Variants in CREBBP observed in about 807,000 individuals in gnomAD.
CREBBP encodes CREB-binding protein.
Under a neutral mutation model 265.0 loss-of-function variants are expected in CREBBP, and 19 were observed. The observed-to-expected ratio is 0.07, with a 90% CI of 0.05 to 0.11. CREBBP has a LOEUF of 0.11. CREBBP is among the 10% of genes least tolerant of loss of function. The pLI is 1.00. For synonymous variants in CREBBP, 1,457 were observed against 1,223.7 expected, an observed-to-expected ratio of 1.19 and a Z score of -3.98; for missense variants, 2,525 against 3,219.0, an observed-to-expected ratio of 0.78 and a Z score of 5.22.
rs1393039481 is a variant in CREBBP at position 3,729,227 on chromosome 16, G to C, written c.5820C>G (p.Ser1940Arg). The C allele has an allele frequency of 6.5e-7, 1 of 1,529,530 alleles. No individual in the cohort carries two copies. Among genetic ancestry groups the C allele is most frequent in the Non-Finnish European group, 8.7e-7 (1 of 1,143,886 alleles). 94.7% of individuals were successfully genotyped at this position (1,529,530 alleles called of 1,614,324 possible). Residue 1940 changes from serine to arginine, a missense_variant, in exon 31 of 31, where the codon AGC becomes AGG. Around this residue, in one of 19 missense-constraint regions of CREBBP, gnomAD observed 275 missense variants for 276.5 expected, o/e 0.99. Transcript: ENST00000262367. ...CCGGGGGTGGGGGGGCCGGCACCTGGCTGGTAGGCTTCCCTGTGGACACCG... is the reference window on the plus strand; with the variant it reads ...CCGGGGGTGGGGGGGCCGGCACCTGCCTGGTAGGCTTCCCTGTGGACACCG... ...PTTVSTGKPT[S>R]QVPAPPPPAQ... is the part of the protein sequence containing the mutation.
chr16:3,775,207 T>C (rs550668716), intron 11 of CREBBP, among the ~76,000 whole-genome samples: 21 of 152,334 alleles, frequency 1.4e-4, no homozygotes, highest in Non-Finnish European at 2.4e-4. Context: ...CATTCATTGT[T>C]AGAATCTGTG....
At chr16:3,732,320 C>T (rs932422385) in intron 28 of CREBBP, among the ~76,000 whole-genome samples, 4 of 152,204 alleles carry the variant, frequency 2.6e-5, no homozygotes, top group African/African-American at 7.2e-5. Flanking sequence ...TCTACACACC[C>T]GAGAAAGCAT....
chr16:3,778,608 G>T (rs762852262), intron 9 of CREBBP, 92 bp downstream of exon 9: 2 of 1,103,866 alleles, frequency 1.8e-6, no homozygotes, highest in Non-Finnish European at 2.8e-6. Flanking sequence ...CAACTACATA[G>T]ATTCCACTAT....
intron 2 of CREBBP, among the ~76,000 whole-genome samples, chr16:3,816,971 G>A (rs1388575143): frequency 1.3e-5 from 2 of 152,184 alleles, no homozygotes; most frequent in African/African-American, 2.4e-5. Context: ...AGGGGGCATC[G>A]GAAGAGGCAG....
At chr16:3,832,365 C>T (rs904315879) in intron 2 of CREBBP, among the ~76,000 whole-genome samples, 1 of 152,094 alleles carries the variant, frequency 6.6e-6, no homozygotes, top group African/African-American at 2.4e-5. Flanking sequence ...CAAATAAGAA[C>T]ACTCCAAAAA....
intron 5 of CREBBP, among the ~76,000 whole-genome samples, chr16:3,784,272 T>A (rs2053338814): frequency 6.6e-6 from 1 of 152,058 alleles, no homozygotes; most frequent in Non-Finnish European, 1.5e-5. Context: ...TGAAAAAAAA[T>A]TCCTGGTAAT....
At chr16:3,751,665 G>C in intron 20 of CREBBP, 61 bp downstream of exon 20, 1 of 1,524,350 alleles carries the variant, frequency 6.6e-7, no homozygotes, top group East Asian at 2.2e-5. Context: ...ATTGGTAAGA[G>C]GAAAAAACAA....
chr16:3,868,000 A>G (rs908345351), intron 1 of CREBBP, among the ~76,000 whole-genome samples: 1 of 152,176 alleles, frequency 6.6e-6, no homozygotes, highest in African/African-American at 2.4e-5. Flanking sequence ...AACAGCTCTG[A>G]GATATGTATC....
rs9929313 is a variant in CREBBP at position 3,757,027 on chromosome 16, C to T, written c.3698+261G>A. 3.9e-5 allele frequency among the ~76,000 whole-genome samples: 6 copies of T among 152,284 alleles called. No individual in the cohort carries two copies. The South Asian group carries it at 1.2e-3, about 32-fold the overall frequency. ...CTAACAAGACACTGAAACCGAGCCA[C>T]TTTTTCTCTTTTTTTTTCTTTTCAA... On this transcript the variant is annotated intron_variant, in intron 19 of 30. Coordinates refer to ENST00000262367, the MANE Select transcript of CREBBP (RefSeq NM_004380.3).
At chr16:3,852,756 C>T (rs2054878891) in intron 1 of CREBBP, among the ~76,000 whole-genome samples, 2 of 152,084 alleles carry the variant, frequency 1.3e-5, no homozygotes, top group Non-Finnish European at 2.9e-5. Flanking sequence ...ACAAAATAAT[C>T]CGTCTTTCCT....
At chr16:3,783,160 G>C (rs946654530) in intron 5 of CREBBP, among the ~76,000 whole-genome samples, 21 of 152,246 alleles carry the variant, frequency 1.4e-4, no homozygotes, top group Admixed American at 9.2e-4. Context: ...TTCTATCTTA[G>C]CATGCAACAG....
intron 19 of CREBBP, among the ~76,000 whole-genome samples, chr16:3,754,972 T>C (rs1442947551): frequency 6.6e-6 from 1 of 152,206 alleles, no homozygotes; most frequent in African/African-American, 2.4e-5. Context: ...AGGATGATAA[T>C]ATGCTAACCT....
chr16:3,838,379 T>TA (rs1228804898), intron 2 of CREBBP, among the ~76,000 whole-genome samples: 1 of 152,140 alleles, frequency 6.6e-6, no homozygotes, highest in Non-Finnish European at 1.5e-5. Context: ...TAGCATAACA[T>TA]AATCACTTAA....
At chr16:3,867,169 C>T (rs973589154) in intron 1 of CREBBP, among the ~76,000 whole-genome samples, 1 of 152,054 alleles carries the variant, frequency 6.6e-6, no homozygotes, top group African/African-American at 2.4e-5. Flanking sequence ...AGAATCTATT[C>T]CAGGAATTGA....
chr16:3,865,840 G>C (rs2055167904), intron 1 of CREBBP, among the ~76,000 whole-genome samples: 1 of 152,180 alleles, frequency 6.6e-6, no homozygotes. Context: ...GTTTCACCAT[G>C]TTGGCCAGGA....
chr16:3,772,265 A>G (rs1279514137), intron 13 of CREBBP, among the ~76,000 whole-genome samples: 3 of 151,782 alleles, frequency 2.0e-5, no homozygotes, highest in Non-Finnish European at 4.4e-5. Flanking sequence ...GACCATAAAT[A>G]TATACATCCA....
chr16:3,725,817 G>C lies in CREBBP; in HGVS notation c.*1901C>G, dbSNP rs1412602657. 4.3e-6 allele frequency: 1 copy of C among 232,978 alleles called. No homozygotes were observed. Among genetic ancestry groups the C allele is most frequent in the African/African-American group, 2.2e-5 (1 of 45,336 alleles). 14.4% of individuals were successfully genotyped at this position (232,978 alleles called of 1,614,324 possible). On this transcript the variant is annotated 3_prime_UTR_variant, in exon 31 of 31. Transcript: ENST00000262367. ...GGCCCAAACGGAAGCTATTTGGGGC[G>C]TGATTTCTAAAATTACCATCACCCC...
chr16:3,839,362 C>G (rs1364867558), intron 2 of CREBBP, among the ~76,000 whole-genome samples: 1 of 152,124 alleles, frequency 6.6e-6, no homozygotes, highest in Admixed American at 6.5e-5. Context: ...CATATGCAAT[C>G]TCATTAAATT....
intron 1 of CREBBP, among the ~76,000 whole-genome samples, chr16:3,865,655 T>C (rs1192030843): frequency 1.3e-5 from 2 of 152,112 alleles, no homozygotes; most frequent in Non-Finnish European, 2.9e-5. Context: ...TTTTTTTTTT[T>C]TGAGATGGAG....
Sources: gnomAD v4.1 joint callset for allele counts (sites outside exome capture counted in the v4.1 genomes callset) on GRCh38, gnomAD v4.1.1 for gene constraint, gnomAD v4.1.1 regional missense constraint, MANE v1.5 for transcripts, NCBI Gene and HGNC (gene_info 2026-07-23, HGNC 2026-07-21) for gene names.